SASH1: variants seen among roughly 807,000 people sequenced by gnomAD.
SASH1 encodes the protein SAM and SH3 domain containing 1, also known as SAM and SH3 domain-containing protein 1.
A neutral mutation model predicts 125.2 loss-of-function variants in SASH1; 44 were observed. That is an observed-to-expected ratio of 0.35 (90% CI 0.28 to 0.45). The LOEUF (loss-of-function observed/expected upper bound fraction) is 0.45, where lower values mean the gene tolerates loss of function less well. Ranked by LOEUF, SASH1 falls within the 20% of genes least tolerant of loss-of-function variation. SASH1 has a pLI of 1.00. For synonymous variants in SASH1, 639 were observed against 649.1 expected, an observed-to-expected ratio of 0.98 and a Z score of 0.24; for missense variants, 1,426 against 1,614.5, an observed-to-expected ratio of 0.88 and a Z score of 2.00.
At chr6:148,269,381 C>A (rs1402809427), upstream of SASH1, among the ~76,000 whole-genome samples, 1 of 152,054 alleles carries the variant, frequency 6.6e-6, no homozygotes, top group Non-Finnish European at 1.5e-5. Flanking sequence ...GCAATCCTCC[C>A]ACCACCATTT....
At chr6:148,334,289 G>A (rs1350671026) in intron 1 of SASH1, among the ~76,000 whole-genome samples, 2 of 148,946 alleles carry the variant, frequency 1.3e-5, no homozygotes, top group Admixed American at 6.7e-5. Flanking sequence ...TTAGCCGGGC[G>A]TGATGGCGGG....
At chr6:148,338,437 A>T (rs1781228169), upstream of SASH1, among the ~76,000 whole-genome samples, 1 of 151,506 alleles carries the variant, frequency 6.6e-6, no homozygotes, top group South Asian at 2.1e-4. Context: ...AAAAAAAAAA[A>T]AAAAGATGAT....
chr6:148,358,784 G>A (rs1294795863), intron 1 of SASH1, among the ~76,000 whole-genome samples: 14 of 133,014 alleles, frequency 1.1e-4, no homozygotes, highest in African/African-American at 3.7e-4. Flanking sequence ...CACCGAGGCT[G>A]GAGTGCAGTG....
intron 7 of SASH1, among the ~76,000 whole-genome samples, chr6:148,477,823 G>A (rs759592443): frequency 2.0e-5 from 3 of 148,262 alleles, no homozygotes; most frequent in Non-Finnish European, 3.0e-5. Flanking sequence ...TCAGCCTCCC[G>A]AGAAGCTGGG....
chr6:148,208,748 A>G, the SASH1 span, among the ~76,000 whole-genome samples: 9 of 152,182 alleles, frequency 5.9e-5, 1 homozygote, highest in South Asian at 1.7e-3. Context: ...TATAAATCAA[A>G]TAGGCCAAAC....
intron 8 of SASH1, among the ~76,000 whole-genome samples, chr6:148,511,456 T>C (rs2115316458): frequency 6.6e-6 from 1 of 152,054 alleles, no homozygotes; most frequent in Admixed American, 6.6e-5. Flanking sequence ...CAAAAAATGA[T>C]CATGGAAAAG....
the SASH1 span, among the ~76,000 whole-genome samples, chr6:148,228,510 A>G: frequency 6.6e-6 from 1 of 152,218 alleles, no homozygotes; most frequent in African/African-American, 2.4e-5. Context: ...TCAATAGAAG[A>G]TAGACATTCT....
At chr6:148,472,535 A>G (rs1247095326) in intron 6 of SASH1, among the ~76,000 whole-genome samples, 1 of 152,038 alleles carries the variant, frequency 6.6e-6, no homozygotes, top group African/African-American at 2.4e-5. Context: ...TTACCAGCTA[A>G]TGTGGATTTT....
intron 1 of SASH1, among the ~76,000 whole-genome samples, chr6:148,322,756 G>T (rs1433328057): frequency 6.6e-6 from 1 of 151,966 alleles, no homozygotes; most frequent in African/African-American, 2.4e-5. Flanking sequence ...CAGACATTGT[G>T]TCATTTTTCT....
Position 148,517,704 on chromosome 6 carries a change from T to C in SASH1, c.863-1843T>C, listed in dbSNP as rs375953167. Among the ~76,000 whole-genome samples the C allele has an allele frequency of 5.1e-4, 78 of 152,290 alleles. 2 individuals carry two copies. The South Asian group carries it at 5.4e-3, about 11-fold the overall frequency. ...ATGCTGACTTTCCTGAACCCGAGAA[T>C]AGAGCTACATTCGTCATGGACATGC... On this transcript the variant is annotated intron_variant, in intron 9 of 19. Transcript: ENST00000367467.
chr6:148,547,064 G>A lies in SASH1; in HGVS notation c.3480+918G>A, dbSNP rs1782616892. Among the ~76,000 whole-genome samples, 3 of 152,028 alleles carry A rather than the reference G, an allele frequency of 2.0e-5. 1 individual carries two copies. Among genetic ancestry groups the A allele is most frequent in the Admixed American group, 2.0e-4 (3 of 15,256 alleles). On this transcript the variant is annotated intron_variant, in intron 19 of 19. Transcript: ENST00000367467. ...GATAGAAGATTCGTTTTCACTGTAG[G>A]TCTTAGGAACCTCAGCATACAATTT...
chr6:148,465,912 C>T (rs539657056), intron 4 of SASH1, among the ~76,000 whole-genome samples: 124 of 152,246 alleles, frequency 8.1e-4, no homozygotes, highest in African/African-American at 2.7e-3. Context: ...CCTTCCCCCT[C>T]GTCATTTCTT....
chr6:148,532,272 G>A lies in SASH1; in HGVS notation c.1565-525G>A, dbSNP rs1195044281. On this transcript the variant is annotated intron_variant, in intron 13 of 19. Transcript: ENST00000367467. This position sits in a 1 kb window ranked among gnomAD's most constrained non-coding sequence, Gnocchi z 4.7. ...TGTTGTAGAGACGGGGTTTTGCCAT[G>A]TAGCCCAGGCTGGTGGAACTCCTGG... Among the ~76,000 whole-genome samples the A allele has an allele frequency of 6.6e-6, 1 of 152,022 alleles. No homozygotes were observed. Among genetic ancestry groups the A allele is most frequent in the African/African-American group, 2.4e-5 (1 of 41,390 alleles).
intron 2 of SASH1, among the ~76,000 whole-genome samples, chr6:148,436,165 G>C (rs928613985): frequency 6.6e-6 from 1 of 152,164 alleles, no homozygotes; most frequent in Non-Finnish European, 1.5e-5. Context: ...AGAGGTGGCC[G>C]TGAACCCTGG....
chr6:148,253,221 G>T, the SASH1 span, among the ~76,000 whole-genome samples: 2 of 152,174 alleles, frequency 1.3e-5, no homozygotes, highest in Non-Finnish European at 2.9e-5. Context: ...CATAACAACA[G>T]ATATATAGAT....
chr6:148,360,347 GT>G lies in SASH1; in HGVS notation c.156+17141del, dbSNP rs1191557477. ...CACAGGACTTGCTTTTAATGCCTTT[GT>G]TTTTTTTTTTTTTTTTCGAGACAGA... On this transcript the variant is annotated intron_variant, in intron 1 of 19. Transcript: ENST00000367467. 1.5e-3 allele frequency among the ~76,000 whole-genome samples: 189 copies of G among 125,710 alleles called. 1 individual carries two copies. The highest frequency in any genetic ancestry group is 0.013 in the Middle Eastern group (3 of 234). 82.5% of individuals were successfully genotyped at this position (125,710 alleles called of 152,430 possible).
intron 4 of SASH1, among the ~76,000 whole-genome samples, chr6:148,452,409 G>A (rs1448326597): frequency 6.6e-6 from 1 of 152,132 alleles, no homozygotes; most frequent in South Asian, 2.1e-4. Flanking sequence ...TCTAGCTCAG[G>A]CCATCTTTTG....
At chr6:148,242,971 G>T in the SASH1 span, among the ~76,000 whole-genome samples, 5 of 152,148 alleles carry the variant, frequency 3.3e-5, no homozygotes, top group South Asian at 1.0e-3. Context: ...CCATAGGTTG[G>T]CTACCTCTAA....
intron 2 of SASH1, among the ~76,000 whole-genome samples, chr6:148,406,632 G>A (rs1173482359): frequency 6.6e-6 from 1 of 152,226 alleles, no homozygotes; most frequent in African/African-American, 2.4e-5. Flanking sequence ...GAAGCAAGGT[G>A]CCAAGTCCAG....
Sources: allele counts gnomAD v4.1 joint callset (sites outside exome capture counted in the v4.1 genomes callset), GRCh38; gene constraint gnomAD v4.1.1; non-coding constraint Gnocchi (gnomAD v3.1); transcripts MANE v1.5; gene names NCBI Gene and HGNC (gene_info 2026-07-23, HGNC 2026-07-21).